Variants in CDKL4 observed in about 807,000 individuals in gnomAD.
CDKL4 encodes cyclin dependent kinase like 4.
A neutral mutation model predicts 42.0 loss-of-function variants in CDKL4; 44 were observed. That is an observed-to-expected ratio of 1.05 (90% CI 0.82 to 1.35). The LOEUF is 1.35. Among genes scored for constraint, CDKL4 ranks in the 40% most tolerant of loss-of-function variants. The pLI, the probability that CDKL4 is intolerant of heterozygous loss-of-function variation, is 0.00. For missense variants in CDKL4, 393 were observed against 369.9 expected, an observed-to-expected ratio of 1.06 and a Z score of -0.51; for synonymous variants, 120 against 121.6, an observed-to-expected ratio of 0.99 and a Z score of 0.09.
chr2:39,206,502 G>A (rs1455090762), intron 4 of CDKL4, among the ~76,000 whole-genome samples: 1 of 152,242 alleles, frequency 6.6e-6, no homozygotes, highest in African/African-American at 2.4e-5. Context: ...GTGAGGGCAG[G>A]CTGAGTAAGC....
exon 6 of CDKL4, chr2:39,190,465 T>C (rs748623167): frequency 6.2e-7 from 1 of 1,614,020 alleles, no homozygotes; most frequent in Non-Finnish European, 8.5e-7. Context: ...CTCGGTACCA[T>C]CTCGTAGCTA....
intron 1 of CDKL4, among the ~76,000 whole-genome samples, chr2:39,235,155 G>C (rs896162406): frequency 6.6e-5 from 10 of 152,184 alleles, no homozygotes; most frequent in African/African-American, 2.4e-4. Flanking sequence ...TGGGATTATA[G>C]GCATGAGCCT....
chr2:39,220,371 T>A (rs1678230309), intron 3 of CDKL4, among the ~76,000 whole-genome samples: 1 of 152,084 alleles, frequency 6.6e-6, no homozygotes, highest in Non-Finnish European at 1.5e-5. Flanking sequence ...AAACCTTAAC[T>A]AAAGTCAGAT....
intron 6 of CDKL4, 53 bp from the exon 7 acceptor site, chr2:39,187,762 G>T: frequency 7.9e-7 from 1 of 1,264,564 alleles, no homozygotes; most frequent in Non-Finnish European, 1.1e-6. Context: ...GAATAATCAA[G>T]TGTTTAAATG....
intron 8 of CDKL4, among the ~76,000 whole-genome samples, chr2:39,184,201 G>A (rs986368910): frequency 6.6e-6 from 1 of 152,220 alleles, no homozygotes; most frequent in African/African-American, 2.4e-5. Flanking sequence ...TTTGTCCAAT[G>A]AGCTTTTGGT....
Position 39,187,727 on chromosome 2 carries a change from C to T in CDKL4, c.653-18G>A. 3 of 1,531,358 alleles carry T rather than the reference C, an allele frequency of 2.0e-6. No individual in the cohort carries two copies. Among genetic ancestry groups the T allele is most frequent in the Non-Finnish European group, 2.7e-6 (3 of 1,108,218 alleles). 94.9% of individuals were successfully genotyped at this position (1,531,358 alleles called of 1,614,324 possible). Reference sequence around the variant, plus strand: ...TAATTTTCCTGTAAAATACAAACCACATAATTCATCATAAATTTGGCAAAG... The same window carrying T: ...TAATTTTCCTGTAAAATACAAACCATATAATTCATCATAAATTTGGCAAAG... On this transcript the variant is annotated intron_variant, in intron 6 of 9. Coordinates refer to ENST00000451199, the Ensembl canonical transcript of CDKL4.
chr2:39,204,161 C>T (rs1191346910), intron 5 of CDKL4, among the ~76,000 whole-genome samples: 1 of 152,182 alleles, frequency 6.6e-6, no homozygotes, highest in African/African-American at 2.4e-5. Context: ...CTCTCGCCCA[C>T]ATTAATATCT....
intron 2 of CDKL4, among the ~76,000 whole-genome samples, chr2:39,228,373 G>C (rs1678888871): frequency 6.6e-6 from 1 of 152,116 alleles, no homozygotes; most frequent in Admixed American, 6.6e-5. Flanking sequence ...CAAAACCCTA[G>C]TGTGTATTAG....
intron 8 of CDKL4, among the ~76,000 whole-genome samples, chr2:39,182,423 G>T (rs1179151867): frequency 2.6e-5 from 4 of 152,222 alleles, no homozygotes; most frequent in Non-Finnish European, 5.9e-5. Flanking sequence ...TCTCCATGGA[G>T]TCTGAGCTGG....
In CDKL4 at chr2:39,225,292, C is replaced by T. The variant is rs535085935; in HGVS notation, c.290+547G>A. On this transcript the variant is annotated intron_variant, in intron 3 of 9. Coordinates refer to ENST00000451199, the Ensembl canonical transcript of CDKL4. ...GTGTGTGCCTGTAATCCCAGCTACT[C>T]GGGAGGCAGAGGCAGAGGCAGAGAA... is the stretch of plus-strand genomic sequence containing the variant. 2.0e-4 allele frequency among the ~76,000 whole-genome samples: 31 copies of T among 151,858 alleles called. No homozygotes were observed. The South Asian group carries it at 5.6e-3, about 27-fold the overall frequency.
intron 4 of CDKL4, among the ~76,000 whole-genome samples, chr2:39,211,935 A>G (rs1398883389): frequency 6.6e-6 from 1 of 152,210 alleles, no homozygotes; most frequent in Non-Finnish European, 1.5e-5. Flanking sequence ...CTGAACCTGA[A>G]TATGATCAAG....
upstream of CDKL4, among the ~76,000 whole-genome samples, chr2:39,245,703 A>G (rs140607726): frequency 1.6e-4 from 24 of 152,320 alleles, no homozygotes; most frequent in East Asian, 4.2e-3. Flanking sequence ...GTAACTGTTG[A>G]ATATTGATTA....
intron 5 of CDKL4, among the ~76,000 whole-genome samples, chr2:39,190,801 G>C (rs1018130978): frequency 5.3e-5 from 8 of 152,154 alleles, no homozygotes; most frequent in African/African-American, 1.9e-4. Flanking sequence ...AAACCGCATT[G>C]TTGGTTTCCA....
In CDKL4 at chr2:39,179,095, T is replaced by C. The variant is rs1458496942; in HGVS notation, c.927+92A>G. 2.6e-6 allele frequency: 4 copies of C among 1,538,208 alleles called. No homozygotes were observed. In the East Asian group the frequency reaches 9.0e-5, roughly 35 times the overall value. ...ACTACACCAGTACAAATGAAAGGTC[T>C]TGGTGTCCACCTTGTCTCACTTTGA... On this transcript the variant is annotated intron_variant, in intron 9 of 9. Transcript: ENST00000451199.
intron 1 of CDKL4, among the ~76,000 whole-genome samples, chr2:39,240,582 A>G (rs7596120): frequency 0.74 from 112,205 of 151,332 alleles, 45,800 homozygotes; most frequent in Non-Finnish European, 0.92. Flanking sequence ...ATGTTCATCA[A>G]CTGATGAATG....
intron 7 of CDKL4, 21 bp downstream of exon 7, chr2:39,187,606 A>G (rs201869921): frequency 6.5e-7 from 1 of 1,536,850 alleles, no homozygotes; most frequent in East Asian, 2.3e-5. Context: ...GTAATAAAAT[A>G]TTCAAAACAG....
chr2:39,187,453 G>A (rs2148296147), intron 7 of CDKL4, among the ~76,000 whole-genome samples, 174 bp downstream of exon 7: 1 of 152,002 alleles, frequency 6.6e-6, no homozygotes, highest in Non-Finnish European at 1.5e-5. Context: ...GCTGAGGTGG[G>A]AGGATCACTT....
intron 3 of CDKL4, among the ~76,000 whole-genome samples, chr2:39,223,706 G>A (rs1007187461): frequency 1.3e-5 from 2 of 149,480 alleles, no homozygotes; most frequent in African/African-American, 4.9e-5. Context: ...TTCACCTCTT[G>A]AGCTCAAGTG....
At chr2:39,201,942 A>G (rs1676878342) in intron 5 of CDKL4, among the ~76,000 whole-genome samples, 1 of 152,152 alleles carries the variant, frequency 6.6e-6, no homozygotes, top group Non-Finnish European at 1.5e-5. Flanking sequence ...CAAAGAACTT[A>G]TTCACATAGC....
Sources: allele counts gnomAD v4.1 joint callset (sites outside exome capture counted in the v4.1 genomes callset), GRCh38; gene constraint gnomAD v4.1.1; transcripts MANE v1.5; gene names NCBI Gene and HGNC (gene_info 2026-07-23, HGNC 2026-07-21).